ATG2A: variants seen among roughly 807,000 people sequenced by gnomAD.
The protein encoded by ATG2A is autophagy-related protein 2 homolog A.
In ATG2A, 103 loss-of-function variants were observed where a neutral mutation model predicts 214.2. The ratio of observed to expected loss-of-function variants is 0.48; its 90% CI spans 0.41 to 0.57. The LOEUF (loss-of-function observed/expected upper bound fraction) is 0.57, where lower values mean the gene tolerates loss of function less well. Among genes scored for constraint, ATG2A ranks in the 20% least tolerant of loss-of-function variants. ATG2A has a pLI of 0.00. For synonymous variants in ATG2A, 1,160 were observed against 1,142.1 expected, an observed-to-expected ratio of 1.02 and a Z score of -0.32; for missense variants, 2,312 against 2,613.2, an observed-to-expected ratio of 0.88 and a Z score of 2.51.
Position 64,909,104 on chromosome 11 carries a change from C to T in ATG2A, c.2251G>A (p.Val751Met). The change falls in exon 16 of 41, where the codon GTG becomes ATG. Residue 751 changes from valine to methionine, a missense_variant. By Grantham distance (21) the Val-to-Met change is conservative (BLOSUM62 1). Coordinates refer to ENST00000377264, the MANE Select transcript of ATG2A (RefSeq NM_015104.3). ...NPQSSSTQWE[V>M]APEKGEELEL... is the part of the protein sequence containing the mutation. The stretch of plus-strand genomic sequence containing the variant: ...AGTTCCTCTCCCTTCTCCGGGGCCA[C>T]CTCCCACTGTGTGCTGCTGGACTGG... The T allele has an allele frequency of 1.2e-6, 2 of 1,612,842 alleles. No homozygotes were observed. Among genetic ancestry groups the T allele is most frequent in the African/African-American group, 1.3e-5 (1 of 75,048 alleles).
At chr11:64,916,847 T>C in intron 1 of ATG2A, 118 bp downstream of exon 1, 1 of 1,413,238 alleles carries the variant, frequency 7.1e-7, no homozygotes, top group Non-Finnish European at 9.5e-7. Flanking sequence ...GAGGGCAAGA[T>C]TCCCCTGGCC....
At chr11:64,912,282 TG>T (rs779729215) in intron 7 of ATG2A, 33 bp from the exon 8 acceptor site, 1 of 1,608,482 alleles carries the variant, frequency 6.2e-7, no homozygotes, top group South Asian at 1.1e-5. Flanking sequence ...CTGGGCTGGC[TG>T]GCCCTCCCAG....
chr11:64,905,660 G>C lies in ATG2A; in HGVS notation c.3372-5C>G. 7 of 1,613,888 alleles carry C rather than the reference G, an allele frequency of 4.3e-6. No homozygotes were observed. The highest frequency in any genetic ancestry group is 5.9e-6 in the Non-Finnish European group (7 of 1,179,946). Reference sequence around the variant, plus strand: ...CGCACTGGGAGGTAGAGTGGCCTGGGGGTGATACTCGGGCTGGGGCCGGCT... The same window carrying C: ...CGCACTGGGAGGTAGAGTGGCCTGGCGGTGATACTCGGGCTGGGGCCGGCT... On this transcript the variant is annotated splice_region_variant and splice_polypyrimidine_tract_variant and intron_variant, in intron 23 of 40. Coordinates refer to ENST00000377264, the MANE Select transcript of ATG2A (RefSeq NM_015104.3).
chr11:64,913,548 G>C lies in ATG2A; in HGVS notation c.591-147C>G, dbSNP rs1310767706. ...CACCTAGGCCGTCCTGAACCACCAT[G>C]TCCAGCCCGGAGGCTCAGGCCAGCC... On this transcript the variant is annotated intron_variant, in intron 4 of 40. Coordinates refer to ENST00000377264, the MANE Select transcript of ATG2A (RefSeq NM_015104.3). The surrounding 1 kb of genome is among the most constrained non-coding windows in gnomAD (Gnocchi z 4.3). 1.9e-5 allele frequency: 21 copies of C among 1,128,582 alleles called. No individual in the cohort carries two copies. Among genetic ancestry groups the C allele is most frequent in the Non-Finnish European group, 2.1e-5 (17 of 818,644 alleles). The allele number at this position is 1,128,582 out of a possible 1,614,324, so 69.9% of individuals were successfully genotyped here.
chr11:64,900,836 C>G (rs1470443954), intron 30 of ATG2A, 48 bp downstream of exon 30: 1 of 1,535,868 alleles, frequency 6.5e-7, no homozygotes, highest in African/African-American at 1.4e-5. Flanking sequence ...CTGGACCAGC[C>G]TGAGCCCCAA....
Position 64,898,487 on chromosome 11 carries a change from C to A in ATG2A, c.4672-125G>T. 10 of 1,313,620 alleles carry A rather than the reference C, an allele frequency of 7.6e-6. No homozygotes were observed. The highest frequency in any genetic ancestry group is 1.5e-5 in the African/African-American group (1 of 68,286). 81.4% of individuals were successfully genotyped at this position (1,313,620 alleles called of 1,614,324 possible). A position where few individuals can be genotyped will look rare whatever the true frequency, so the allele number is the denominator to read the frequency against. ...CACGCTGTTCCCTTCGCTAACACAG[C>A]CCCTAGCTCTGCCCTTCTCCCAGGC... is the stretch of plus-strand genomic sequence containing the variant. On this transcript the variant is annotated intron_variant, in intron 32 of 40. Transcript: ENST00000377264. The surrounding 1 kb of genome is among the most constrained non-coding windows in gnomAD (Gnocchi z 4.5).
At position 64,894,797 on chromosome 11, in the gene ATG2A, C is replaced by G. The variant is rs747495712; in HGVS notation, c.*176G>C. On this transcript the variant is annotated 3_prime_UTR_variant, in exon 41 of 41. Transcript: ENST00000377264. ...GAAAAGTGCAGAGCCAGGGCTAAGG[C>G]CCCAAGGCAGGGAGGCCCCCCTCTC... 1.2e-6 allele frequency: 1 copy of G among 825,212 alleles called. No homozygotes were observed. The highest frequency in any genetic ancestry group is 1.7e-5 in the African/African-American group (1 of 60,056). 51.1% of individuals were successfully genotyped at this position (825,212 alleles called of 1,614,324 possible). A position where few individuals can be genotyped will look rare whatever the true frequency, so the allele number is the denominator to read the frequency against.
rs749889840 is a variant in ATG2A at position 64,909,850 on chromosome 11, G to T, written c.1938C>A (p.Arg646=). Residue 646 remains arginine, a synonymous_variant, in exon 14 of 41, where the codon CGC becomes CGA. Transcript: ENST00000377264. The part of the protein sequence containing the change: ...LSAPRATLRL[R]FPIADLRPEP... ...CAGGCCGCAGGTCGGCAATGGGGAA[G>T]CGCAGCCGCAGCGTGGCCCGGGGTG... 1.2e-6 allele frequency: 2 copies of T among 1,609,872 alleles called. No individual in the cohort carries two copies. The highest frequency in any genetic ancestry group is 2.7e-5 in the African/African-American group (2 of 74,884).
intron 29 of ATG2A, 103 bp from the exon 30 acceptor site, chr11:64,901,195 T>A: frequency 8.4e-7 from 1 of 1,195,424 alleles, no homozygotes; most frequent in Non-Finnish European, 1.2e-6. Context: ...TTTTTTTTTT[T>A]ATAGACAGGG....
Position 64,913,655 on chromosome 11 carries a change from C to A in ATG2A, c.590+166G>T. 2.0e-5 allele frequency: 16 copies of A among 801,846 alleles called. 1 individual carries two copies. The South Asian group carries it at 2.6e-4, about 13-fold the overall frequency. 49.7% of individuals were successfully genotyped at this position (801,846 alleles called of 1,614,324 possible). ...GCCTGTATCACCTGGCCTCTGGACA[C>A]CAGTCCGGGCTCACGATGCAGCCCA... On this transcript the variant is annotated intron_variant, in intron 4 of 40. Coordinates refer to ENST00000377264, the MANE Select transcript of ATG2A (RefSeq NM_015104.3). The surrounding 1 kb of genome is among the most constrained non-coding windows in gnomAD (Gnocchi z 4.3).
chr11:64,903,243 T>C lies in ATG2A; in HGVS notation c.3612+45A>G. On this transcript the variant is annotated intron_variant, in intron 26 of 40. Transcript: ENST00000377264. This position sits in a 1 kb window ranked among gnomAD's most constrained non-coding sequence, Gnocchi z 4.2. ...AGCCCCTGAAGACTCCCTTGGCCCCTGCACCTGCTGTGGCTCCAGGAGCCA... is the reference window on the plus strand; with the variant it reads ...AGCCCCTGAAGACTCCCTTGGCCCCCGCACCTGCTGTGGCTCCAGGAGCCA... The C allele has an allele frequency of 6.3e-7, 1 of 1,588,180 alleles. No individual in the cohort carries two copies. The highest frequency in any genetic ancestry group is 1.1e-5 in the South Asian group (1 of 90,252).
intron 22 of ATG2A, 132 bp downstream of exon 22, chr11:64,905,981 G>A: frequency 7.3e-7 from 1 of 1,376,236 alleles, no homozygotes; most frequent in Non-Finnish European, 1.0e-6. Context: ...CCTTGCCCAG[G>A]AGCTCCGGAC....
chr11:64,904,819 TCTATCTATCTATCTA>T (rs751565031), intron 24 of ATG2A, among the ~76,000 whole-genome samples: 52 of 66,688 alleles, frequency 7.8e-4, no homozygotes, highest in African/African-American at 1.8e-3. Context: ...ATATTTTTTA[TCTATCTATCTATCTA>T]TCTATCTATC....
intron 16 of ATG2A, 145 bp downstream of exon 16, chr11:64,908,846 G>T: frequency 1.1e-6 from 1 of 876,814 alleles, no homozygotes; most frequent in Non-Finnish European, 1.7e-6. Flanking sequence ...TGGAAGAGCC[G>T]AAATCCTCAC....
rs774408869 is a variant in ATG2A at position 64,909,690 on chromosome 11, C to T, written c.2098G>A (p.Asp700Asn). 1.4e-5 allele frequency: 22 copies of T among 1,612,530 alleles called. No individual in the cohort carries two copies. The highest frequency in any genetic ancestry group is 1.0e-4 in the Admixed American group (6 of 59,992). ...ACTCGGGGGCTCTCACCATGTAGGT[C>T]GGAGCAGGTGAGTTCCAGGTGGGTG... ...VPTHLELTCS[D>N]LHGIYEDGGK... Residue 700 changes from aspartate (D) to asparagine (N), a missense_variant, in exon 14 of 41, where the codon GAC becomes AAC. By Grantham distance (23) the Asp-to-Asn change is conservative. Coordinates refer to ENST00000377264, the MANE Select transcript of ATG2A (RefSeq NM_015104.3).
chr11:64,917,060 C>A lies in ATG2A; in HGVS notation c.76G>T (p.Gly26Cys). ...VCRYLLHHYL[G>C]HFFQEHLSLD... ...CTGAGGTGCTCTTGGAAGAAGTGAC[C>A]TAAGTAGTGGTGCAGCAAGTAGCGG... Residue 26 changes from glycine to cysteine, a missense_variant, in exon 1 of 41, where the codon GGT (glycine) becomes TGT (cysteine). Physicochemically the swap from Gly to Cys is radical, Grantham distance 159 (BLOSUM62 -3). Transcript: ENST00000377264. 6.2e-7 allele frequency: 1 copy of A among 1,613,778 alleles called. No homozygotes were observed. Among genetic ancestry groups the A allele is most frequent in the Non-Finnish European group, 8.5e-7 (1 of 1,180,006 alleles).
At chr11:64,916,301 GGGGTCGGTGGGAGATGTA>G (rs1944982945) in intron 1 of ATG2A, among the ~76,000 whole-genome samples, 2 of 152,174 alleles carry the variant, frequency 1.3e-5, no homozygotes, top group African/African-American at 4.8e-5. Context: ...CTGAGCCGGG[GGGGTCGGTGGGAGATGTA>G]GGTGGGGGCC....
At chr11:64,906,885 C>T (rs1020260960) in intron 19 of ATG2A, 70 bp from the exon 20 acceptor site, 16 of 1,530,310 alleles carry the variant, frequency 1.0e-5, no homozygotes, top group African/African-American at 4.1e-5. Context: ...TGGGGGTTGG[C>T]GGCTCCTGGA....
rs762815976 is a variant in ATG2A at position 64,906,490 on chromosome 11, G to A, written c.3027C>T (p.Pro1009=). The A allele has an allele frequency of 5.6e-6, 9 of 1,613,370 alleles. No homozygotes were observed. The East Asian group carries it at 1.6e-4, about 28-fold the overall frequency. ...DYPLPSHLDL[P]SFAPPAQLAP... is the part of the protein sequence containing the mutation. ...CCAGCTGAGCCGGGGGAGCGAAACT[G>A]GGAAGGTCCAGGTGACTGGGCAGCG... The change falls in exon 21 of 41, where the codon CCC becomes CCT. Residue 1009 remains proline (P), a synonymous_variant. Coordinates refer to ENST00000377264, the MANE Select transcript of ATG2A (RefSeq NM_015104.3).
Sources: gnomAD v4.1 joint callset for allele counts (sites outside exome capture counted in the v4.1 genomes callset) on GRCh38, gnomAD v4.1.1 for gene constraint, Gnocchi (gnomAD v3.1) non-coding constraint, MANE v1.5 for transcripts, NCBI Gene and HGNC (gene_info 2026-07-23, HGNC 2026-07-21) for gene names.